The following ZFPM2 variants were observed in gnomAD, a reference collection of about 807,000 sequenced individuals.
ZFPM2 encodes zinc finger protein ZFPM2.
A neutral mutation model predicts 98.6 loss-of-function variants in ZFPM2; 20 were observed. That is an observed-to-expected ratio of 0.20 (90% CI 0.14 to 0.29). The LOEUF is 0.29. Among genes scored for constraint, ZFPM2 ranks in the 10% least tolerant of loss-of-function variants. The pLI is 1.00. For synonymous variants in ZFPM2, 518 were observed against 502.7 expected, an observed-to-expected ratio of 1.03 and a Z score of -0.41; for missense variants, 1,310 against 1,388.6, an observed-to-expected ratio of 0.94 and a Z score of 0.90.
chr8:105,332,892 G>A (rs1352046467), intron 1 of ZFPM2, among the ~76,000 whole-genome samples: 1 of 151,702 alleles, frequency 6.6e-6, no homozygotes, highest in African/African-American at 2.4e-5. Context: ...GAAACTATGT[G>A]AGTGACAGAG....
intron 5 of ZFPM2, chr8:105,678,919 A>G (rs939131760): frequency 1.3e-5 from 2 of 152,244 alleles, no homozygotes; most frequent in African/African-American, 4.8e-5. Context: ...GACACATCAC[A>G]AAATAATCAA....
At chr8:105,381,480 C>T (rs1356555727) in intron 1 of ZFPM2, among the ~76,000 whole-genome samples, 1 of 151,976 alleles carries the variant, frequency 6.6e-6, no homozygotes, top group Non-Finnish European at 1.5e-5. Flanking sequence ...ACATCCTATC[C>T]AGAGCAAAGT....
chr8:105,782,635 A>G (rs898811038), intron 5 of ZFPM2, among the ~76,000 whole-genome samples: 2 of 152,156 alleles, frequency 1.3e-5, no homozygotes, highest in African/African-American at 4.8e-5. Flanking sequence ...CAAGTACCTG[A>G]TATAAAACTT....
chr8:105,409,997 T>C (rs1186906095), intron 1 of ZFPM2, among the ~76,000 whole-genome samples: 1 of 151,898 alleles, frequency 6.6e-6, no homozygotes, highest in Non-Finnish European at 1.5e-5. Flanking sequence ...AAATTTCTTT[T>C]TGGAATGTTT....
At chr8:105,673,000 C>T (rs914583321) in intron 5 of ZFPM2, among the ~76,000 whole-genome samples, 38 of 152,132 alleles carry the variant, frequency 2.5e-4, no homozygotes, top group South Asian at 6.2e-4. Flanking sequence ...ATTGCTGAAA[C>T]GCTTTACTTG....
At chr8:105,460,481 G>C (rs193189399) in intron 3 of ZFPM2, among the ~76,000 whole-genome samples, 2 of 152,244 alleles carry the variant, frequency 1.3e-5, no homozygotes, top group East Asian at 3.9e-4. Flanking sequence ...AAAGTGAGAG[G>C]AGAGGAAAAG....
intron 5 of ZFPM2, among the ~76,000 whole-genome samples, chr8:105,768,085 C>CCTCTCT (rs139124537): frequency 0.013 from 1,971 of 147,034 alleles, 46 homozygotes; most frequent in African/African-American, 0.045. Context: ...AACACATATT[C>CCTCTCT]CTCTCTCTCT....
chr8:105,708,156 A>G (rs1223617070), intron 5 of ZFPM2, among the ~76,000 whole-genome samples: 1 of 152,162 alleles, frequency 6.6e-6, no homozygotes, highest in Non-Finnish European at 1.5e-5. Context: ...AAAATTGACT[A>G]GCTCTGGGAT....
At chr8:105,480,407 A>C (rs372081491) in intron 3 of ZFPM2, among the ~76,000 whole-genome samples, 1 of 152,224 alleles carries the variant, frequency 6.6e-6, no homozygotes, top group Non-Finnish European at 1.5e-5. Context: ...AAATATAACT[A>C]TATCTAAACA....
intron 3 of ZFPM2, 83 bp from the exon 4 acceptor site, chr8:105,561,280 G>C (rs1815128869): frequency 9.9e-7 from 1 of 1,008,394 alleles, no homozygotes; most frequent in African/African-American, 1.7e-5. Flanking sequence ...AATATCATGT[G>C]TGTAAAGCAA....
intron 1 of ZFPM2, among the ~76,000 whole-genome samples, chr8:105,372,209 A>G (rs1810637702): frequency 6.6e-6 from 1 of 151,674 alleles, no homozygotes; most frequent in South Asian, 2.1e-4. Flanking sequence ...GGCCTGGCTA[A>G]TTTTTTGTAT....
intron 6 of ZFPM2, among the ~76,000 whole-genome samples, chr8:105,789,373 T>C (rs1813528064): frequency 6.6e-6 from 1 of 152,214 alleles, no homozygotes; most frequent in Admixed American, 6.5e-5. Context: ...CTGAGAATGA[T>C]GATTTCCAAT....
intron 5 of ZFPM2, among the ~76,000 whole-genome samples, chr8:105,682,685 G>A (rs1810636828): frequency 6.6e-6 from 1 of 152,122 alleles, no homozygotes; most frequent in South Asian, 2.1e-4. Context: ...CCAGAACTCA[G>A]TCATATGCTA....
Position 105,433,583 on chromosome 8 carries a change from C to T in ZFPM2, c.200-10697C>T, listed in dbSNP as rs575364735. On this transcript the variant is annotated intron_variant, in intron 2 of 7. Transcript: ENST00000407775. The stretch of plus-strand genomic sequence containing the variant: ...CGGTTGGATCACAAGGTCAGGAGAT[C>T]GAGACCATCCTGGCTAACACAGTGA... Among the ~76,000 whole-genome samples, 57 of 152,152 alleles carry T rather than the reference C, an allele frequency of 3.7e-4. No homozygotes were observed. The South Asian group carries it at 8.7e-3, about 23-fold the overall frequency.
chr8:105,412,865 C>G (rs1563647151), intron 1 of ZFPM2, among the ~76,000 whole-genome samples: 1 of 151,660 alleles, frequency 6.6e-6, no homozygotes, highest in African/African-American at 2.4e-5. Flanking sequence ...GGTGTGCCTA[C>G]AGGGTAATGA....
chr8:105,453,607 A>AT (rs199600476), intron 3 of ZFPM2, among the ~76,000 whole-genome samples: 2,452 of 150,774 alleles, frequency 0.016, 58 homozygotes, highest in African/African-American at 0.056. Context: ...TTCCTTCTAA[A>AT]TTTTTTTTTC....
chr8:105,580,716 A>C (rs575894123), intron 4 of ZFPM2, among the ~76,000 whole-genome samples: 2 of 152,044 alleles, frequency 1.3e-5, no homozygotes, highest in South Asian at 4.1e-4. Flanking sequence ...ACACAAACTA[A>C]GATATAGTTT....
chr8:105,436,189 A>G (rs1485111243), intron 2 of ZFPM2, among the ~76,000 whole-genome samples: 1 of 152,198 alleles, frequency 6.6e-6, no homozygotes, highest in African/African-American at 2.4e-5. Flanking sequence ...GGAAAAAATA[A>G]TGCTTATGAA....
At chr8:105,431,968 C>T (rs1416043514) in intron 2 of ZFPM2, among the ~76,000 whole-genome samples, 2 of 149,128 alleles carry the variant, frequency 1.3e-5, no homozygotes, top group Admixed American at 6.7e-5. Context: ...TAGAAGTTGG[C>T]GAGGCATTAA....
Sources: allele counts gnomAD v4.1 joint callset (sites outside exome capture counted in the v4.1 genomes callset), GRCh38; gene constraint gnomAD v4.1.1; transcripts MANE v1.5; gene names NCBI Gene and HGNC (gene_info 2026-07-23, HGNC 2026-07-21).